GABRG3: variants seen among roughly 807,000 people sequenced by gnomAD.
GABRG3 encodes the protein gamma-aminobutyric acid receptor subunit gamma-3.
Under a neutral mutation model 48.8 loss-of-function variants are expected in GABRG3, and 25 were observed. The observed-to-expected ratio is 0.51, with a 90% CI of 0.37 to 0.72. GABRG3 has a LOEUF of 0.72. Ranked by LOEUF, GABRG3 falls within the 30% of genes least tolerant of loss-of-function variation. The probability of loss-of-function intolerance (pLI) is 0.00; values close to 1 mark genes in which losing one functional copy is unlikely to be tolerated. For missense variants in GABRG3, 394 were observed against 577.9 expected, an observed-to-expected ratio of 0.68 and a Z score of 3.26; for synonymous variants, 227 against 217.6, an observed-to-expected ratio of 1.04 and a Z score of -0.38.
intron 3 of GABRG3, among the ~76,000 whole-genome samples, chr15:27,145,619 A>ATCTATCTATCATCTATCTG (rs1898191404): frequency 6.9e-6 from 1 of 144,924 alleles, no homozygotes; most frequent in African/African-American, 2.6e-5. Flanking sequence ...CTATCTATCT[A>ATCTATCTATCATCTATCTG]TCTATCTATC....
At chr15:27,486,968 G>C (rs1053552349) in intron 6 of GABRG3, among the ~76,000 whole-genome samples, 3 of 152,126 alleles carry the variant, frequency 2.0e-5, no homozygotes, top group African/African-American at 7.2e-5. Flanking sequence ...TGTTTAAATA[G>C]CTCTTGTAGA....
intron 2 of GABRG3, 50 bp from the exon 3 acceptor site, chr15:27,026,704 C>T: frequency 1.4e-6 from 2 of 1,408,434 alleles, no homozygotes; most frequent in African/African-American, 2.8e-5. Context: ...GTGCTCTCCT[C>T]TGTCTTTCTC....
At chr15:27,487,863 A>G (rs1206827166) in intron 6 of GABRG3, among the ~76,000 whole-genome samples, 2 of 152,136 alleles carry the variant, frequency 1.3e-5, no homozygotes, top group East Asian at 1.9e-4. Flanking sequence ...GCTTAGGAAC[A>G]CTCATTGTTT....
chr15:27,003,679 C>G (rs930901296), intron 2 of GABRG3, among the ~76,000 whole-genome samples: 93 of 152,298 alleles, frequency 6.1e-4, no homozygotes, highest in East Asian at 3.5e-3. Context: ...ACCTTTCCCC[C>G]CTTTCTATTC....
At chr15:27,073,853 G>A (rs1048291845) in intron 3 of GABRG3, among the ~76,000 whole-genome samples, 18 of 152,324 alleles carry the variant, frequency 1.2e-4, no homozygotes, top group Admixed American at 4.6e-4. Flanking sequence ...CCAAGCCCTC[G>A]TGGTGGTTGT....
chr15:27,185,091 CTCT>C (rs1338344817), intron 3 of GABRG3, among the ~76,000 whole-genome samples: 7 of 151,456 alleles, frequency 4.6e-5, no homozygotes, highest in East Asian at 1.9e-4. Context: ...GTTTATTTTG[CTCT>C]TCTTTTTCAT....
chr15:27,473,403 T>C (rs1395247344), intron 5 of GABRG3, among the ~76,000 whole-genome samples: 6 of 152,202 alleles, frequency 3.9e-5, no homozygotes, highest in Non-Finnish European at 8.8e-5. Context: ...GGGAAAGTGC[T>C]ATGTAATTGT....
At chr15:27,096,820 C>A (rs921200659) in intron 3 of GABRG3, among the ~76,000 whole-genome samples, 14 of 143,006 alleles carry the variant, frequency 9.8e-5, no homozygotes, top group Non-Finnish European at 1.5e-4. Flanking sequence ...AAATGAGATT[C>A]TTTTCTTTTC....
At chr15:27,514,095 A>G (rs1890963443) in intron 6 of GABRG3, among the ~76,000 whole-genome samples, 1 of 152,218 alleles carries the variant, frequency 6.6e-6, no homozygotes, top group African/African-American at 2.4e-5. Context: ...TTTATGAAAA[A>G]TTTTTAAACT....
At chr15:27,189,203 C>T (rs1410864776) in intron 3 of GABRG3, among the ~76,000 whole-genome samples, 14 of 151,342 alleles carry the variant, frequency 9.3e-5, no homozygotes, top group South Asian at 6.3e-4. Context: ...ATTGACTTGG[C>T]GATGCGGGCT....
intron 5 of GABRG3, among the ~76,000 whole-genome samples, chr15:27,442,110 T>G (rs548255390): frequency 6.6e-6 from 1 of 152,178 alleles, no homozygotes; most frequent in East Asian, 1.9e-4. Context: ...GAGCTGAGGG[T>G]TTGGGAGATC....
At chr15:27,339,287 C>G (rs1312722922) in intron 5 of GABRG3, among the ~76,000 whole-genome samples, 4 of 152,236 alleles carry the variant, frequency 2.6e-5, no homozygotes, top group Non-Finnish European at 4.4e-5. Context: ...CAAGCATCTT[C>G]TTAAATCCAC....
chr15:27,427,820 A>G (rs1888336010), intron 5 of GABRG3, among the ~76,000 whole-genome samples: 1 of 152,196 alleles, frequency 6.6e-6, no homozygotes, highest in South Asian at 2.1e-4. Context: ...AAATCAAGAT[A>G]CATCCCTCCC....
chr15:27,329,006 T>C (rs964549980), intron 5 of GABRG3, 118 bp downstream of exon 5: 45 of 854,256 alleles, frequency 5.3e-5, no homozygotes, highest in Admixed American at 2.9e-4. Flanking sequence ...CAGAGAAAAC[T>C]GATGATGGTT....
At chr15:27,498,682 G>A (rs1312375997) in intron 6 of GABRG3, among the ~76,000 whole-genome samples, 1 of 151,966 alleles carries the variant, frequency 6.6e-6, no homozygotes, top group Admixed American at 6.6e-5. Context: ...AGTAGAGACA[G>A]GGTTTCACCG....
At chr15:27,263,923 C>CAA (rs71132805) in intron 3 of GABRG3, among the ~76,000 whole-genome samples, 4 of 136,824 alleles carry the variant, frequency 2.9e-5, no homozygotes, top group East Asian at 2.7e-4. Flanking sequence ...GAGACTCTGT[C>CAA]AAAAAAAAAA....
chr15:27,250,313 G>A (rs1044042376), intron 3 of GABRG3, among the ~76,000 whole-genome samples: 4 of 152,222 alleles, frequency 2.6e-5, no homozygotes, highest in African/African-American at 4.8e-5. Context: ...ACAGGAGGCT[G>A]CTTACATTTA....
intron 7 of GABRG3, among the ~76,000 whole-genome samples, chr15:27,523,433 T>G (rs1191245920): frequency 6.6e-6 from 1 of 151,782 alleles, no homozygotes; most frequent in Admixed American, 6.6e-5. Flanking sequence ...TATGACTACT[T>G]TAAAGATTTT....
At chr15:27,446,895 C>A (rs892495410) in intron 5 of GABRG3, among the ~76,000 whole-genome samples, 1 of 152,140 alleles carries the variant, frequency 6.6e-6, no homozygotes, top group African/African-American at 2.4e-5. Context: ...ACACCCCCAA[C>A]ACACATTCAC....
Sources: gnomAD v4.1 joint callset for allele counts (sites outside exome capture counted in the v4.1 genomes callset) on GRCh38, gnomAD v4.1.1 for gene constraint, MANE v1.5 for transcripts, NCBI Gene and HGNC (gene_info 2026-07-23, HGNC 2026-07-21) for gene names.